The following ENTHD1 variants were observed in gnomAD, a reference collection of about 807,000 sequenced individuals.
ENTHD1 encodes ENTH domain-containing protein 1.
In ENTHD1, 23 loss-of-function variants were observed where a neutral mutation model predicts 39.1. That is an observed-to-expected ratio of 0.59 (90% confidence interval 0.42 to 0.83). The LOEUF (loss-of-function observed/expected upper bound fraction) is 0.83, where lower values mean the gene tolerates loss of function less well. Ranked by LOEUF, ENTHD1 falls within the 40% of genes least tolerant of loss-of-function variation. The pLI is 0.00. For synonymous variants in ENTHD1, 230 were observed against 258.2 expected (o/e 0.89, Z 1.05); for missense variants, 624 against 705.4 (o/e 0.88, Z 1.31).
At chr22:39,815,070 C>T (rs2065722766) in intron 5 of ENTHD1, among the ~76,000 whole-genome samples, 1 of 152,160 alleles carries the variant, frequency 6.6e-6, no homozygotes, top group Non-Finnish European at 1.5e-5. Context: ...AAATGACCAA[C>T]AGACATGGAC....
At chr22:39,787,053 C>CTG (rs3044405) in intron 5 of ENTHD1, among the ~76,000 whole-genome samples, 35,719 of 152,020 alleles carry the variant, frequency 0.23, 4,569 homozygotes, top group African/African-American at 0.32. Flanking sequence ...CTTCATGTCT[C>CTG]TGTCATATTT....
intron 5 of ENTHD1, among the ~76,000 whole-genome samples, chr22:39,775,910 G>A (rs2065361877): frequency 6.6e-6 from 1 of 152,056 alleles, no homozygotes; most frequent in Admixed American, 6.6e-5. Context: ...TCTTTTTAAG[G>A]GGTTGGGGGC....
chr22:39,852,767 A>T (rs1212217783), intron 3 of ENTHD1, among the ~76,000 whole-genome samples: 5 of 152,238 alleles, frequency 3.3e-5, no homozygotes, highest in African/African-American at 9.6e-5. Flanking sequence ...ATATAATCTT[A>T]TGGGACCAGT....
rs148103586 is a variant in ENTHD1, at chr22:39,756,757, C to G, written c.1219+8466G>C. ...TTCTATTATTCAACCAATCACCTTACCTGATGTTCAAGAAATTTCAATCAG... is the reference window on the plus strand; with the variant it reads ...TTCTATTATTCAACCAATCACCTTAGCTGATGTTCAAGAAATTTCAATCAG... On this transcript the variant is annotated intron_variant, in intron 6 of 6. Coordinates refer to ENST00000325157, the MANE Select transcript of ENTHD1 (RefSeq NM_152512.4). 2.0e-5 allele frequency among the ~76,000 whole-genome samples: 3 copies of G among 152,228 alleles called. No individual in the cohort carries two copies. In the South Asian group the frequency reaches 6.2e-4, roughly 32 times the overall value.
At chr22:39,832,822 G>T (rs1034258001) in intron 4 of ENTHD1, among the ~76,000 whole-genome samples, 3 of 152,162 alleles carry the variant, frequency 2.0e-5, no homozygotes, top group African/African-American at 7.2e-5. Flanking sequence ...TGTCGGTGCT[G>T]GCTTTATCCT....
At chr22:39,819,686 A>G (rs1037327355) in intron 5 of ENTHD1, among the ~76,000 whole-genome samples, 9 of 152,186 alleles carry the variant, frequency 5.9e-5, no homozygotes. Context: ...ACATTTGTCC[A>G]AACCCACAGA....
intron 5 of ENTHD1, among the ~76,000 whole-genome samples, chr22:39,801,563 G>A (rs554160446): frequency 6.6e-6 from 1 of 152,296 alleles, no homozygotes; most frequent in Non-Finnish European, 1.5e-5. Context: ...TCAGAAACAA[G>A]CTTATTCACT....
intron 5 of ENTHD1, among the ~76,000 whole-genome samples, chr22:39,781,762 T>G (rs747365776): frequency 1.3e-5 from 2 of 152,076 alleles, no homozygotes; most frequent in Non-Finnish European, 2.9e-5. Context: ...GACAAACTTT[T>G]GGTTAAACTA....
At chr22:39,825,937 A>G (rs1245154242) in intron 4 of ENTHD1, among the ~76,000 whole-genome samples, 3 of 152,122 alleles carry the variant, frequency 2.0e-5, no homozygotes, top group African/African-American at 7.2e-5. Context: ...GTGCAGTGGC[A>G]TGACTTGGGC....
chr22:39,755,377 T>A (rs1276158164), intron 6 of ENTHD1, among the ~76,000 whole-genome samples: 1 of 152,078 alleles, frequency 6.6e-6, no homozygotes, highest in African/African-American at 2.4e-5. Flanking sequence ...ACAACCGTGG[T>A]GAAGCAAGAT....
At chr22:39,856,635 T>C (rs2066090710) in intron 3 of ENTHD1, among the ~76,000 whole-genome samples, 1 of 152,152 alleles carries the variant, frequency 6.6e-6, no homozygotes, top group African/African-American at 2.4e-5. Context: ...TTTTAGAACA[T>C]CTTTTTTGTG....
intron 4 of ENTHD1, among the ~76,000 whole-genome samples, 187 bp downstream of exon 4, chr22:39,835,653 C>T (rs145258124): frequency 6.6e-6 from 1 of 152,002 alleles, no homozygotes; most frequent in Non-Finnish European, 1.5e-5. Context: ...TTAAAAAAAA[C>T]CCAAAACATA....
At chr22:39,834,267 G>T (rs1341260242) in intron 4 of ENTHD1, among the ~76,000 whole-genome samples, 10 of 151,996 alleles carry the variant, frequency 6.6e-5, no homozygotes, top group Admixed American at 6.6e-5. Context: ...AATATGTGAA[G>T]AACTCAAAAC....
chr22:39,873,494 C>T (rs1367995147), intron 2 of ENTHD1, among the ~76,000 whole-genome samples: 1 of 152,110 alleles, frequency 6.6e-6, no homozygotes, highest in African/African-American at 2.4e-5. Context: ...ATACTAATAG[C>T]ATATGACTAA....
chr22:39,784,734 C>T (rs1204618527), intron 5 of ENTHD1, among the ~76,000 whole-genome samples: 3 of 152,002 alleles, frequency 2.0e-5, no homozygotes, highest in Non-Finnish European at 4.4e-5. Flanking sequence ...AAAAGTGGAT[C>T]TCATGAAGAT....
At chr22:39,861,018 G>T (rs183103738) in intron 3 of ENTHD1, among the ~76,000 whole-genome samples, 1 of 152,280 alleles carries the variant, frequency 6.6e-6, no homozygotes, top group East Asian at 1.9e-4. Context: ...GGATTCTGAA[G>T]CATACTTTAG....
chr22:39,872,186 T>C (rs2066249634), intron 2 of ENTHD1, among the ~76,000 whole-genome samples: 1 of 152,234 alleles, frequency 6.6e-6, no homozygotes, highest in South Asian at 2.1e-4. Flanking sequence ...CTGCCTCATA[T>C]ACCCCAAATC....
At chr22:39,863,468 G>C (rs992158701) in intron 2 of ENTHD1, among the ~76,000 whole-genome samples, 4 of 151,876 alleles carry the variant, frequency 2.6e-5, no homozygotes, top group Non-Finnish European at 4.4e-5. Flanking sequence ...GGTCTATCTG[G>C]GCCTGAGTCT....
At position 39,765,531 on chromosome 22, in the gene ENTHD1, A is replaced by G; in HGVS notation, c.911T>C (p.Phe304Ser). The G allele has an allele frequency of 8.1e-6, 13 of 1,613,854 alleles. No homozygotes were observed. The highest frequency in any genetic ancestry group is 1.1e-5 in the Non-Finnish European group (13 of 1,179,938). ...VSLDKRSDGI[F>S]TNTVTENLLE... ...GAGGTTTTCTGTGACAGTATTTGTAAAGATACCATCTGATCTCTTGTCCAA... is the reference window on the plus strand; with the variant it reads ...GAGGTTTTCTGTGACAGTATTTGTAGAGATACCATCTGATCTCTTGTCCAA... The change falls in exon 6 of 7, where the codon TTT (phenylalanine) becomes TCT (serine). Residue 304 changes from phenylalanine to serine, a missense_variant. Phe to Ser is a radical substitution (Grantham distance 155, BLOSUM62 -2). Coordinates refer to ENST00000325157, the MANE Select transcript of ENTHD1 (RefSeq NM_152512.4).
Sources: allele counts gnomAD v4.1 joint callset (sites outside exome capture counted in the v4.1 genomes callset), GRCh38; gene constraint gnomAD v4.1.1; transcripts MANE v1.5; gene names NCBI Gene and HGNC (gene_info 2026-07-23, HGNC 2026-07-21).